NOS1AP: variants seen among roughly 807,000 people sequenced by gnomAD.
NOS1AP encodes the protein nitric oxide synthase 1 adaptor protein.
In NOS1AP, 21 loss-of-function variants were observed where a neutral mutation model predicts 56.2. That is an observed-to-expected ratio of 0.37 (90% CI 0.26 to 0.54). The LOEUF (loss-of-function observed/expected upper bound fraction) is 0.54, where lower values mean the gene tolerates loss of function less well. Among genes scored for constraint, NOS1AP ranks in the 20% least tolerant of loss-of-function variants. The probability of loss-of-function intolerance (pLI) is 0.84; values close to 1 mark genes in which losing one functional copy is unlikely to be tolerated. For synonymous variants in NOS1AP, 270 were observed against 274.6 expected (o/e 0.98, Z 0.17); for missense variants, 522 against 657.8 (o/e 0.79, Z 2.26).
chr1:162,294,616 T>A (rs1402825245), intron 3 of NOS1AP, among the ~76,000 whole-genome samples: 2 of 152,088 alleles, frequency 1.3e-5, no homozygotes, highest in East Asian at 3.9e-4. Context: ...CTTTTAAAAA[T>A]ACCCTAGAGT....
intron 4 of NOS1AP, among the ~76,000 whole-genome samples, chr1:162,316,598 CCTGGGTG>C (rs1463917142): frequency 6.6e-6 from 1 of 152,192 alleles, no homozygotes; most frequent in Non-Finnish European, 1.5e-5. Flanking sequence ...GTTTATTTCA[CCTGGGTG>C]CAGGCAGACT....
intron 1 of NOS1AP, among the ~76,000 whole-genome samples, chr1:162,135,499 G>A (rs1648955962): frequency 6.6e-6 from 1 of 152,138 alleles, no homozygotes. Context: ...ATCTTGATGG[G>A]GGGACACCTG....
chr1:162,346,232 A>G (rs1161487488), intron 6 of NOS1AP, among the ~76,000 whole-genome samples: 1 of 152,252 alleles, frequency 6.6e-6, no homozygotes, highest in Non-Finnish European at 1.5e-5. Context: ...TGATTTCTAT[A>G]TAAGGTTACA....
chr1:162,092,347 A>G (rs1386811770), intron 1 of NOS1AP, among the ~76,000 whole-genome samples: 1 of 152,344 alleles, frequency 6.6e-6, no homozygotes, highest in East Asian at 1.9e-4. Flanking sequence ...GGAGGATTTC[A>G]TCAGCACTAT....
chr1:162,287,191 T>A (rs1413412829), intron 2 of NOS1AP, among the ~76,000 whole-genome samples, 153 bp from the exon 3 acceptor site: 5 of 152,190 alleles, frequency 3.3e-5, no homozygotes, highest in Non-Finnish European at 7.3e-5. Context: ...GACATCCACC[T>A]GCTTTTACAT....
chr1:162,277,132 A>G (rs1209408633), intron 2 of NOS1AP, among the ~76,000 whole-genome samples: 1 of 152,194 alleles, frequency 6.6e-6, no homozygotes, highest in Admixed American at 6.5e-5. Flanking sequence ...AGAATGGCCT[A>G]TAAATTAACA....
intron 2 of NOS1AP, among the ~76,000 whole-genome samples, chr1:162,277,100 C>G (rs1240570722): frequency 6.6e-6 from 1 of 152,104 alleles, no homozygotes; most frequent in Non-Finnish European, 1.5e-5. Flanking sequence ...AATAAAGAAC[C>G]CTTGGCTCTC....
intron 4 of NOS1AP, among the ~76,000 whole-genome samples, chr1:162,311,556 C>T (rs1656027346): frequency 6.6e-6 from 1 of 151,702 alleles, no homozygotes; most frequent in Non-Finnish European, 1.5e-5. Flanking sequence ...TTTTCTCTCT[C>T]CTTCTTTCTT....
chr1:162,303,444 C>G (rs1362764976), intron 4 of NOS1AP, among the ~76,000 whole-genome samples: 1 of 151,986 alleles, frequency 6.6e-6, no homozygotes, highest in East Asian at 1.9e-4. Context: ...TAAATATCAT[C>G]TTTTTGTTTG....
chr1:162,324,726 C>G (rs771819287), intron 4 of NOS1AP, among the ~76,000 whole-genome samples: 2 of 152,188 alleles, frequency 1.3e-5, no homozygotes, highest in Non-Finnish European at 2.9e-5. Context: ...TCTAGGCACA[C>G]AGTAGATCTT....
chr1:162,226,072 T>A (rs532204278), intron 2 of NOS1AP, among the ~76,000 whole-genome samples: 2 of 152,278 alleles, frequency 1.3e-5, no homozygotes, highest in Admixed American at 1.3e-4. Context: ...GGTGGGCGAA[T>A]CACCTGAGGT....
intron 2 of NOS1AP, among the ~76,000 whole-genome samples, chr1:162,259,224 T>C (rs774542434): frequency 7.2e-5 from 11 of 152,202 alleles, no homozygotes; most frequent in Non-Finnish European, 1.5e-4. Context: ...ATTTTCAATC[T>C]TTTGAAAGAC....
intron 5 of NOS1AP, among the ~76,000 whole-genome samples, chr1:162,343,247 C>A (rs347281): frequency 0.45 from 68,228 of 151,976 alleles, 16,446 homozygotes; most frequent in Middle Eastern, 0.57. Flanking sequence ...AAGGAAGGAG[C>A]CACAGAATAG....
intron 2 of NOS1AP, among the ~76,000 whole-genome samples, chr1:162,213,537 G>C (rs1031949232): frequency 2.0e-5 from 3 of 152,202 alleles, no homozygotes; most frequent in African/African-American, 7.2e-5. Context: ...CCTATTTTCT[G>C]TCCTCACTGT....
At chr1:162,363,878 G>A (rs1211745016) in intron 8 of NOS1AP, 1 of 985,284 alleles carries the variant, frequency 1.0e-6, no homozygotes, top group Non-Finnish European at 1.2e-6. Flanking sequence ...CTTTATGGAG[G>A]ACAGATTTAG....
chr1:162,148,782 A>G (rs761745999), intron 1 of NOS1AP, among the ~76,000 whole-genome samples: 1 of 152,236 alleles, frequency 6.6e-6, no homozygotes, highest in Admixed American at 6.5e-5. Context: ...GCAGAGGGCC[A>G]TGTGGGTACT....
At chr1:162,106,942 T>C (rs1487938674) in intron 1 of NOS1AP, among the ~76,000 whole-genome samples, 1 of 152,268 alleles carries the variant, frequency 6.6e-6, no homozygotes, top group Non-Finnish European at 1.5e-5. Flanking sequence ...AAAATATTTT[T>C]TATGAAATAT....
intron 1 of NOS1AP, among the ~76,000 whole-genome samples, chr1:162,109,497 A>G (rs1647634469): frequency 6.6e-6 from 1 of 152,130 alleles, no homozygotes; most frequent in Admixed American, 6.5e-5. Flanking sequence ...GCTGATGAGG[A>G]AGCAGGTGGG....
At chr1:162,327,561 T>G (rs1297163857) in intron 4 of NOS1AP, among the ~76,000 whole-genome samples, 1 of 152,200 alleles carries the variant, frequency 6.6e-6, no homozygotes, top group African/African-American at 2.4e-5. Flanking sequence ...AAGGAAATCA[T>G]GAACACTGAG....
Sources: gnomAD v4.1 joint callset for allele counts (sites outside exome capture counted in the v4.1 genomes callset) on GRCh38, gnomAD v4.1.1 for gene constraint, MANE v1.5 for transcripts, NCBI Gene and HGNC (gene_info 2026-07-23, HGNC 2026-07-21) for gene names.